Variants in PCDH15 observed in about 807,000 individuals in gnomAD.
PCDH15 encodes protocadherin related 15, also known as protocadherin-15.
Under a neutral mutation model 178.5 loss-of-function variants are expected in PCDH15, and 129 were observed. That is an observed-to-expected ratio of 0.72 (90% CI 0.63 to 0.84). The LOEUF (loss-of-function observed/expected upper bound fraction) is 0.84, where lower values mean the gene tolerates loss of function less well. Ranked by LOEUF, PCDH15 falls within the 40% of genes least tolerant of loss-of-function variation. The pLI is 0.00. For missense variants in PCDH15, 2,230 were observed against 2,099.9 expected, an observed-to-expected ratio of 1.06 and a Z score of -1.21; for synonymous variants, 800 against 732.0, an observed-to-expected ratio of 1.09 and a Z score of -1.50.
chr10:54,941,845 A>C (rs546126421), intron 2 of PCDH15, among the ~76,000 whole-genome samples: 2 of 151,974 alleles, frequency 1.3e-5, no homozygotes, highest in African/African-American at 4.8e-5. Context: ...TCTAATATTG[A>C]TCTTCAAATG....
intron 3 of PCDH15, among the ~76,000 whole-genome samples, chr10:54,874,222 G>A (rs1418870120): frequency 8.0e-4 from 102 of 127,190 alleles, no homozygotes; most frequent in African/African-American, 2.0e-3. Flanking sequence ...AATATGCGGT[G>A]TTTGGTTTTT....
At chr10:54,496,201 G>A (rs1486213347) in intron 3 of PCDH15, among the ~76,000 whole-genome samples, 2 of 152,028 alleles carry the variant, frequency 1.3e-5, no homozygotes, top group African/African-American at 4.8e-5. Flanking sequence ...TTGGTCAGGG[G>A]CTGGCAATTT....
chr10:55,568,550 A>G (rs563511418), intron 2 of PCDH15, among the ~76,000 whole-genome samples: 41 of 152,016 alleles, frequency 2.7e-4, no homozygotes, highest in Non-Finnish European at 4.9e-4. Flanking sequence ...ATAAACAAAT[A>G]AGAATAAATA....
At chr10:54,684,918 A>G (rs1421611664) in intron 1 of PCDH15, among the ~76,000 whole-genome samples, 1 of 152,010 alleles carries the variant, frequency 6.6e-6, no homozygotes, top group Non-Finnish European at 1.5e-5. Context: ...TGTTTTTAAT[A>G]AAATTTTTAA....
intron 2 of PCDH15, among the ~76,000 whole-genome samples, chr10:55,037,257 G>A (rs935129765): frequency 4.0e-5 from 6 of 151,616 alleles, no homozygotes; most frequent in African/African-American, 1.2e-4. Flanking sequence ...ATTTTGAGAC[G>A]GAGTCTCGCT....
chr10:55,210,535 A>C (rs1231127773), intron 1 of PCDH15, among the ~76,000 whole-genome samples: 1 of 146,704 alleles, frequency 6.8e-6, no homozygotes, highest in Non-Finnish European at 1.5e-5. Context: ...GAAATGGTGT[A>C]GTTGAAGCAT....
rs933825496 is a variant in PCDH15, at chr10:53,961,967, C to T, written c.2869-75G>A. The T allele has an allele frequency of 5.9e-6, 7 of 1,188,050 alleles. No individual in the cohort carries two copies. The African/African-American group carries it at 9.2e-5, about 16-fold the overall frequency. The allele number at this position is 1,188,050 out of a possible 1,614,324, so 73.6% of individuals were successfully genotyped here. ...AGTGCAATGATAATATTAAATGGATCTTTAAAATTCATGGTCTTTTAGAAG... is the reference window on the plus strand; with the variant it reads ...AGTGCAATGATAATATTAAATGGATTTTTAAAATTCATGGTCTTTTAGAAG... On this transcript the variant is annotated intron_variant, in intron 21 of 37. Transcript: ENST00000644397.
chr10:55,317,802 T>C (rs961985850), intron 1 of PCDH15, among the ~76,000 whole-genome samples: 4 of 151,546 alleles, frequency 2.6e-5, no homozygotes, highest in Non-Finnish European at 4.4e-5. Flanking sequence ...GTAAAGACAG[T>C]TTTACACATG....
intron 35 of PCDH15, among the ~76,000 whole-genome samples, chr10:53,811,976 TTTAAG>T (rs1263437528): frequency 6.6e-6 from 1 of 152,204 alleles, no homozygotes; most frequent in Non-Finnish European, 1.5e-5. Context: ...TTAACTCAAT[TTTAAG>T]TTAAATTATT....
At chr10:55,029,261 C>T (rs187188376) in intron 2 of PCDH15, among the ~76,000 whole-genome samples, 188 of 151,828 alleles carry the variant, frequency 1.2e-3, no homozygotes, top group Non-Finnish European at 2.0e-3. Context: ...TTTACATATC[C>T]CAAATACCCA....
chr10:55,080,989 TG>T, intron 2 of PCDH15, among the ~76,000 whole-genome samples: 1 of 152,212 alleles, frequency 6.6e-6, no homozygotes, highest in South Asian at 2.1e-4. Context: ...CTGCTGCTGC[TG>T]GGGGTGGGGT....
intron 28 of PCDH15, among the ~76,000 whole-genome samples, chr10:53,850,069 C>G (rs1240970470): frequency 6.6e-6 from 1 of 151,790 alleles, no homozygotes; most frequent in East Asian, 1.9e-4. Context: ...GATAACATTC[C>G]TCCAAATAAT....
In PCDH15 at chr10:54,519,773, C is replaced by A. The variant is rs1046154910; in HGVS notation, c.157+8039G>T. On this transcript the variant is annotated intron_variant, in intron 3 of 37. Coordinates refer to ENST00000644397, the MANE Select transcript of PCDH15 (RefSeq NM_001384140.1). ...TCACCAAGTCAATCCTAAGCCAAAA[C>A]AACAAAGCTGGAGGCATCACGCTAC... Among the ~76,000 whole-genome samples, 4 of 152,146 alleles carry A rather than the reference C, an allele frequency of 2.6e-5. No homozygotes were observed. The East Asian group carries it at 7.8e-4, about 29-fold the overall frequency.
intron 2 of PCDH15, among the ~76,000 whole-genome samples, chr10:55,598,103 A>G (rs1358996841): frequency 1.3e-5 from 2 of 152,100 alleles, no homozygotes; most frequent in Non-Finnish European, 2.9e-5. Flanking sequence ...ACTAACCTAT[A>G]CAATATTTAG....
intron 1 of PCDH15, among the ~76,000 whole-genome samples, chr10:55,278,973 A>C (rs1842662579): frequency 6.6e-6 from 1 of 152,162 alleles, no homozygotes; most frequent in Admixed American, 6.6e-5. Context: ...TTTGATTCTC[A>C]AACTTCATTT....
chr10:54,291,152 C>T (rs575102763), intron 8 of PCDH15, among the ~76,000 whole-genome samples: 2 of 152,108 alleles, frequency 1.3e-5, no homozygotes, highest in African/African-American at 2.4e-5. Flanking sequence ...CAAACTAGAA[C>T]TCAGGATTAA....
At chr10:55,053,160 A>C (rs1841208663) in intron 2 of PCDH15, among the ~76,000 whole-genome samples, 1 of 152,230 alleles carries the variant, frequency 6.6e-6, no homozygotes, top group African/African-American at 2.4e-5. Flanking sequence ...CAAGATTAAA[A>C]AAATCTTTCA....
intron 6 of PCDH15, among the ~76,000 whole-genome samples, chr10:54,341,558 G>T (rs576935323): frequency 6.6e-6 from 1 of 152,246 alleles, no homozygotes; most frequent in African/African-American, 2.4e-5. Context: ...ACAGGAAATT[G>T]GTACTGGGAT....
intron 2 of PCDH15, among the ~76,000 whole-genome samples, chr10:54,930,884 GTACT>G (rs1205050101): frequency 6.6e-6 from 1 of 152,018 alleles, no homozygotes; most frequent in Non-Finnish European, 1.5e-5. Context: ...AATTACATAC[GTACT>G]TACTAATAGA....
Sources: gnomAD v4.1 joint callset for allele counts (sites outside exome capture counted in the v4.1 genomes callset) on GRCh38, gnomAD v4.1.1 for gene constraint, MANE v1.5 for transcripts, NCBI Gene and HGNC (gene_info 2026-07-23, HGNC 2026-07-21) for gene names.